The following MPPED1 variants were observed in gnomAD, a reference collection of about 807,000 sequenced individuals.
MPPED1 encodes the protein metallophosphoesterase domain-containing protein 1.
MPPED1 carries 16 observed loss-of-function variants against 36.2 expected under a neutral mutation model. The ratio of observed to expected loss-of-function variants is 0.44; its 90% confidence interval spans 0.30 to 0.67. MPPED1 has a LOEUF of 0.67. Among genes scored for constraint, MPPED1 ranks in the 30% least tolerant of loss-of-function variants. The pLI is 0.10. For synonymous variants in MPPED1, 199 were observed against 191.3 expected (o/e 1.04, Z -0.33); for missense variants, 307 against 453.4 (o/e 0.68, Z 2.93).
rs1036275809 is a variant in MPPED1, at chr22:43,502,116, C to T, written c.749-528C>T. Among the ~76,000 whole-genome samples, 10 of 152,114 alleles carry T rather than the reference C, an allele frequency of 6.6e-5. No homozygotes were observed. The highest frequency in any genetic ancestry group is 6.6e-5 in the Admixed American group (1 of 15,266). On this transcript the variant is annotated intron_variant, in intron 5 of 6. Coordinates refer to ENST00000443721, the MANE Select transcript of MPPED1 (RefSeq NM_001044370.2). This position sits in a 1 kb window ranked among gnomAD's most constrained non-coding sequence, Gnocchi z 5.5. ...GCAGGCGCAGGCGCAGCCACGTGAG[C>T]GATGCTGCACCCACGGAGGAAGTTT...
Position 43,507,109 on chromosome 22 carries a change from G to A in MPPED1, c.*1493G>A, listed in dbSNP as rs1932827583. 1 of 152,226 alleles carries A rather than the reference G, an allele frequency of 6.6e-6. No individual in the cohort carries two copies. The highest frequency in any genetic ancestry group is 2.4e-5 in the African/African-American group (1 of 41,446). 9.4% of individuals were successfully genotyped at this position (152,226 alleles called of 1,614,324 possible). On this transcript the variant is annotated 3_prime_UTR_variant, in exon 7 of 7. Coordinates refer to ENST00000443721, the MANE Select transcript of MPPED1 (RefSeq NM_001044370.2). ...TTTAGAGATGAGACGATTGAGGCCA[G>A]AGGGGTGTGGTAACTTGCCTGGGGG...
intron 4 of MPPED1, among the ~76,000 whole-genome samples, chr22:43,496,021 G>A (rs1216505980): frequency 1.6e-4 from 18 of 111,122 alleles, no homozygotes; most frequent in East Asian, 6.8e-4. Context: ...TGGTGGAGGT[G>A]GTGATGGTGG....
intron 1 of MPPED1, among the ~76,000 whole-genome samples, chr22:43,421,392 G>C (rs1382084096): frequency 1.3e-5 from 2 of 152,256 alleles, no homozygotes; most frequent in African/African-American, 4.8e-5. Context: ...GCGCCTCCGG[G>C]AGCCTTGCCG....
chr22:43,449,632 G>A lies in MPPED1; in HGVS notation c.406+14417G>A, dbSNP rs559412330. Among the ~76,000 whole-genome samples, 14 of 152,240 alleles carry A rather than the reference G, an allele frequency of 9.2e-5. No homozygotes were observed. In the East Asian group the frequency reaches 9.7e-4, roughly 11 times the overall value. ...GGAACTCTTCCACCTGCCACCCAGCGAGGGAGGGAGTTGGGTGCCGAGGGC... is the reference window on the plus strand; with the variant it reads ...GGAACTCTTCCACCTGCCACCCAGCAAGGGAGGGAGTTGGGTGCCGAGGGC... On this transcript the variant is annotated intron_variant, in intron 3 of 6. Coordinates refer to ENST00000443721, the MANE Select transcript of MPPED1 (RefSeq NM_001044370.2).
intron 3 of MPPED1, among the ~76,000 whole-genome samples, chr22:43,465,225 C>T (rs1931124161): frequency 6.6e-6 from 1 of 152,252 alleles, no homozygotes; most frequent in African/African-American, 2.4e-5. Flanking sequence ...AGCTCCGTGG[C>T]ATGGGCCTTG....
chr22:43,493,763 A>G (rs1433511537), intron 4 of MPPED1, among the ~76,000 whole-genome samples: 1 of 152,100 alleles, frequency 6.6e-6, no homozygotes, highest in East Asian at 1.9e-4. Context: ...CTGGTCCTCA[A>G]TTTTCTCATC....
chr22:43,505,046 GTGA>G (rs1316043186), intron 6 of MPPED1, among the ~76,000 whole-genome samples: 3 of 151,780 alleles, frequency 2.0e-5, no homozygotes, highest in African/African-American at 7.3e-5. Context: ...AAGGGTGTTG[GTGA>G]TGATGTTGAT....
chr22:43,466,842 C>T (rs1931189636), intron 3 of MPPED1, among the ~76,000 whole-genome samples: 1 of 152,202 alleles, frequency 6.6e-6, no homozygotes, highest in African/African-American at 2.4e-5. Context: ...AAACAGGCTC[C>T]TGCCCATGTT....
intron 4 of MPPED1, among the ~76,000 whole-genome samples, chr22:43,494,714 T>TGGTGGTGGTGGTGGG: frequency 6.7e-6 from 1 of 150,342 alleles, no homozygotes; most frequent in Non-Finnish European, 1.5e-5. Flanking sequence ...GTGGTGGTGG[T>TGGTGGTGGTGGTGGG]GGTGGTGGTG....
In MPPED1 at chr22:43,487,328, C is replaced by G. The variant is rs1931944196; in HGVS notation, c.633-10907C>G. Reference sequence around the variant, plus strand: ...GATTTCTGAACTAGCACAAGCAAAACCTGGAGGTACAGAAAGGCCAGACTG... The same window carrying G: ...GATTTCTGAACTAGCACAAGCAAAAGCTGGAGGTACAGAAAGGCCAGACTG... On this transcript the variant is annotated intron_variant, in intron 4 of 6. Coordinates refer to ENST00000443721, the MANE Select transcript of MPPED1 (RefSeq NM_001044370.2). Among the ~76,000 whole-genome samples the G allele has an allele frequency of 3.3e-5, 5 of 152,152 alleles. No individual in the cohort carries two copies. In the South Asian group the frequency reaches 1.0e-3, roughly 32 times the overall value.
At chr22:43,480,846 T>C (rs1296169396) in intron 4 of MPPED1, among the ~76,000 whole-genome samples, 8 of 149,710 alleles carry the variant, frequency 5.3e-5, no homozygotes, top group Non-Finnish European at 1.0e-4. Flanking sequence ...TTTTTTGAGA[T>C]GGAGTCTCAC....
At chr22:43,486,815 G>A (rs1931926218) in intron 4 of MPPED1, among the ~76,000 whole-genome samples, 1 of 152,064 alleles carries the variant, frequency 6.6e-6, no homozygotes, top group African/African-American at 2.4e-5. Context: ...CCTGGATCTG[G>A]GTTTACCTCT....
At chr22:43,417,558 G>C (rs1929119197) in intron 1 of MPPED1, 1 of 149,588 alleles carries the variant, frequency 6.7e-6, no homozygotes, top group Admixed American at 6.8e-5. Context: ...AGTGATTTTT[G>C]AGCTTGTGTG....
rs1929422012 is a variant in MPPED1 at position 43,425,166 on chromosome 22, TACA to T, written c.185_187del (p.Asn62del). 2.2e-6 allele frequency: 3 copies of T among 1,393,082 alleles called. No individual in the cohort carries two copies. The highest frequency in any genetic ancestry group is 2.9e-6 in the Non-Finnish European group (3 of 1,041,002). The allele number at this position is 1,393,082 out of a possible 1,614,324, so 86.3% of individuals were successfully genotyped here. On this transcript the variant is annotated inframe_deletion, in exon 2 of 7. Transcript: ENST00000443721. The stretch of plus-strand genomic sequence containing the variant: ...CAACCCCACCCAGGCCTTCACCTTC[TACA>T]ACATCAACCAGGGCCGCTTCCAGCC...
chr22:43,467,540 G>T (rs973412996), intron 3 of MPPED1, among the ~76,000 whole-genome samples: 1 of 152,244 alleles, frequency 6.6e-6, no homozygotes, highest in African/African-American at 2.4e-5. Context: ...AGACCCCACG[G>T]TGGCTCACAG....
chr22:43,502,235 C>A lies in MPPED1; in HGVS notation c.749-409C>A, dbSNP rs1353679924. Among the ~76,000 whole-genome samples, 40 of 152,208 alleles carry A rather than the reference C, an allele frequency of 2.6e-4. No individual in the cohort carries two copies. Among genetic ancestry groups the A allele is most frequent in the Non-Finnish European group, 1.0e-4 (7 of 68,016 alleles). ...GACGCCCTGCTCTGCAACTAACCAC[C>A]AGGGTGCCTGCCCTTGGGACTCACC... On this transcript the variant is annotated intron_variant, in intron 5 of 6. Transcript: ENST00000443721. The surrounding 1 kb of genome is among the most constrained non-coding windows in gnomAD (Gnocchi z 5.5).
chr22:43,500,047 T>C (rs1416077691), intron 5 of MPPED1, among the ~76,000 whole-genome samples: 4 of 92,332 alleles, frequency 4.3e-5, no homozygotes, highest in Non-Finnish European at 8.4e-5. Flanking sequence ...GAGGTGGTGA[T>C]GGGGGTGGTG....
At chr22:43,446,757 C>T (rs906136649) in intron 3 of MPPED1, among the ~76,000 whole-genome samples, 2 of 152,104 alleles carry the variant, frequency 1.3e-5, no homozygotes, top group African/African-American at 2.4e-5. Context: ...TAACCTAGGG[C>T]GCAAGGCTGA....
At chr22:43,465,624 G>C (rs982328548) in intron 3 of MPPED1, among the ~76,000 whole-genome samples, 4 of 152,202 alleles carry the variant, frequency 2.6e-5, no homozygotes, top group African/African-American at 7.2e-5. Flanking sequence ...ACGTCCCTGG[G>C]TGCTTGTTGG....
Sources: allele counts gnomAD v4.1 joint callset (sites outside exome capture counted in the v4.1 genomes callset), GRCh38; gene constraint gnomAD v4.1.1; non-coding constraint Gnocchi (gnomAD v3.1); transcripts MANE v1.5; gene names NCBI Gene and HGNC (gene_info 2026-07-23, HGNC 2026-07-21).